TRIML1: variants seen among roughly 807,000 people sequenced by gnomAD.
The protein encoded by TRIML1 is probable E3 ubiquitin-protein ligase TRIML1.
In TRIML1, 34 loss-of-function variants were observed where a neutral mutation model predicts 32.3. That is an observed-to-expected ratio of 1.05 (90% confidence interval 0.80 to 1.40). TRIML1 has a LOEUF of 1.40. Among genes scored for constraint, TRIML1 ranks in the 40% most tolerant of loss-of-function variants. The probability of loss-of-function intolerance (pLI) is 0.00; values close to 1 mark genes in which losing one functional copy is unlikely to be tolerated. For synonymous variants in TRIML1, 244 were observed against 226.6 expected (o/e 1.08, Z -0.69); for missense variants, 595 against 574.9 (o/e 1.03, Z -0.36).
rs745539786 is a variant in TRIML1 at position 188,144,101 on chromosome 4, C to G, written c.824C>G (p.Thr275Arg). 1.2e-6 allele frequency: 2 copies of G among 1,614,042 alleles called. No individual in the cohort carries two copies. Among genetic ancestry groups the G allele is most frequent in the Non-Finnish European group, 1.7e-6 (2 of 1,180,004 alleles). The part of the protein sequence containing the change: ...TTTELSLCRI[T>R]GMKEMLRKFS... ...ACAGAGCTGAGTCTGTGCCGCATCA[C>G]GGGAATGAAGGAGATGCTAAGAAAA... Residue 275 changes from threonine to arginine, a missense_variant, in exon 5 of 6, where the codon ACG becomes AGG. Transcript: ENST00000332517.
chr4:188,138,437 C>T (rs1734732844), upstream of TRIML1, among the ~76,000 whole-genome samples: 1 of 152,068 alleles, frequency 6.6e-6, no homozygotes, highest in African/African-American at 2.4e-5. Flanking sequence ...GAAGGTCAAA[C>T]TCGCTGGCCT....
Position 188,142,448 on chromosome 4 carries a change from C to T in TRIML1, c.701C>T (p.Ser234Phe). ...SLSKMIAQIE[S>F]SSQSSAFESL... Reference sequence around the variant, plus strand: ...AGCAAAATGATCGCACAGATTGAGTCCTCAAGTCAAAGCTCGGCTTTCGAA... The same window carrying T: ...AGCAAAATGATCGCACAGATTGAGTTCTCAAGTCAAAGCTCGGCTTTCGAA... Residue 234 changes from serine to phenylalanine, a missense_variant, in exon 3 of 6, where the codon TCC becomes TTC. Ser to Phe is a radical substitution (Grantham distance 155). Coordinates refer to ENST00000332517, the MANE Select transcript of TRIML1 (RefSeq NM_178556.5). 1.2e-6 allele frequency: 2 copies of T among 1,613,766 alleles called. No individual in the cohort carries two copies. Among genetic ancestry groups the T allele is most frequent in the Non-Finnish European group, 1.7e-6 (2 of 1,179,966 alleles).
upstream of TRIML1, among the ~76,000 whole-genome samples, chr4:188,137,475 CTTTT>C (rs70938701): frequency 4.9e-5 from 5 of 101,480 alleles, no homozygotes; most frequent in Admixed American, 1.1e-4. Context: ...GCTATTTTTA[CTTTT>C]TTTTTTTTTT....
chr4:188,140,106 GT>G, intron 1 of TRIML1, 140 bp downstream of exon 1: 1 of 834,106 alleles, frequency 1.2e-6, no homozygotes, highest in Non-Finnish European at 1.8e-6. Context: ...CGTGGGTCCA[GT>G]TTACACCCTT....
At chr4:188,148,152 G>C (rs537656686), downstream of TRIML1, among the ~76,000 whole-genome samples, 4 of 152,230 alleles carry the variant, frequency 2.6e-5, no homozygotes, top group African/African-American at 9.6e-5. Flanking sequence ...TAAGCAGAAG[G>C]CTTTCAATCT....
At chr4:188,146,198 A>G (rs1735073806) in intron 5 of TRIML1, among the ~76,000 whole-genome samples, 1 of 152,140 alleles carries the variant, frequency 6.6e-6, no homozygotes, top group African/African-American at 2.4e-5. Flanking sequence ...GATGCGAACA[A>G]CCAAGGGTGT....
intron 3 of TRIML1, 61 bp from the exon 4 acceptor site, chr4:188,143,777 G>T: frequency 6.2e-7 from 1 of 1,601,712 alleles, no homozygotes; most frequent in South Asian, 1.1e-5. Context: ...TATGCAAAAT[G>T]AATTTCGTCT....
At chr4:188,137,801 C>T (rs1235865525), upstream of TRIML1, among the ~76,000 whole-genome samples, 15 of 151,854 alleles carry the variant, frequency 9.9e-5, no homozygotes, top group Admixed American at 7.9e-4. Context: ...TTAGTAGAGA[C>T]GGAGTTTCAC....
Position 188,144,047 on chromosome 4 carries a change from T to TCTTG in TRIML1, c.774_777dup (p.Gln260AlafsTer38). ...CTGCTCTCTTGCAGGAGCGAGCCAC[T>TCTTG]CTTGCTTCAGTGTCCAGAGGCCACC... On this transcript the variant is annotated frameshift_variant, in exon 5 of 6. Transcript: ENST00000332517. LOFTEE classifies it high-confidence loss of function. 6.2e-7 allele frequency: 1 copy of TCTTG among 1,614,026 alleles called. No individual in the cohort carries two copies. The highest frequency in any genetic ancestry group is 1.3e-5 in the African/African-American group (1 of 75,044).
At chr4:188,141,974 T>C (rs1484437805) in intron 2 of TRIML1, among the ~76,000 whole-genome samples, 2 of 151,546 alleles carry the variant, frequency 1.3e-5, no homozygotes, top group African/African-American at 2.4e-5. Context: ...TAGCTGGGCG[T>C]GGTGGCACAC....
At chr4:188,147,846 G>T (rs1735148221), downstream of TRIML1, 1 of 152,884 alleles carries the variant, frequency 6.5e-6, no homozygotes, top group Non-Finnish European at 1.5e-5. Context: ...TCTTTTCAGG[G>T]TGTGTGAGAG....
chr4:188,145,870 CTA>C (rs1560973980), intron 5 of TRIML1, among the ~76,000 whole-genome samples: 1 of 151,856 alleles, frequency 6.6e-6, no homozygotes, highest in African/African-American at 2.4e-5. Context: ...GGTTCACAGA[CTA>C]TGTGTGCTTC....
intron 5 of TRIML1, among the ~76,000 whole-genome samples, chr4:188,145,397 G>A (rs1560973523): frequency 7.2e-6 from 1 of 139,048 alleles, no homozygotes; most frequent in Non-Finnish European, 1.5e-5. Context: ...AGCAGAGATG[G>A]CGCCATTGCA....
In TRIML1 at chr4:188,139,545, C is replaced by A; in HGVS notation, c.-14C>A. 1 of 1,554,380 alleles carries A rather than the reference C, an allele frequency of 6.4e-7. No individual in the cohort carries two copies. The highest frequency in any genetic ancestry group is 8.7e-7 in the Non-Finnish European group (1 of 1,147,596). On this transcript the variant is annotated 5_prime_UTR_variant, in exon 1 of 6. Coordinates refer to ENST00000332517, the MANE Select transcript of TRIML1 (RefSeq NM_178556.5). ...ACAGAGGTGTAACCTGGCTGCATAT[C>A]CAGCCTCGAGAAAATGTCTACAGCA...
chr4:188,146,849 C>A lies in TRIML1; in HGVS notation c.884C>A (p.Ala295Asp). 7.0e-7 allele frequency: 1 copy of A among 1,427,794 alleles called. No homozygotes were observed. Among genetic ancestry groups the A allele is most frequent in the South Asian group, 1.9e-5 (1 of 53,904 alleles). The allele number at this position is 1,427,794 out of a possible 1,614,324, so 88.4% of individuals were successfully genotyped here. Residue 295 changes from alanine (A) to aspartate (D), a missense_variant, in exon 6 of 6, where the codon GCT becomes GAT. Ala to Asp is a moderately radical substitution (Grantham distance 126). Transcript: ENST00000332517. Reference sequence around the variant, plus strand: ...GAGATAACGCTGGACCCAGCCACAGCTAATGCCTATCTCGTGTTGTCGGAG... The same window carrying A: ...GAGATAACGCTGGACCCAGCCACAGATAATGCCTATCTCGTGTTGTCGGAG... ...STEITLDPAT[A>D]NAYLVLSEDL...
chr4:188,143,890 A>G, intron 4 of TRIML1, 30 bp downstream of exon 4: 1 of 1,614,136 alleles, frequency 6.2e-7, no homozygotes, highest in South Asian at 1.1e-5. Context: ...TCAGTTATGC[A>G]AGCTGCGGGG....
Position 188,147,104 on chromosome 4 carries a change from G to T in TRIML1, c.1139G>T (p.Gly380Val). 1 of 1,614,032 alleles carries T rather than the reference G, an allele frequency of 6.2e-7. No individual in the cohort carries two copies. The highest frequency in any genetic ancestry group is 8.5e-7 in the Non-Finnish European group (1 of 1,180,026). The change falls in exon 6 of 6, where the codon GGT becomes GTT. Residue 380 changes from glycine to valine, a missense_variant. Gly to Val is a moderately radical substitution (Grantham distance 109). Coordinates refer to ENST00000332517, the MANE Select transcript of TRIML1 (RefSeq NM_178556.5). ...KPPGDLFSLI[G>V]LKIGDDYSLW... ...CCTGGGGACCTGTTCTCACTAATAG[G>T]TTTAAAAATCGGAGATGATTACAGC... is the stretch of plus-strand genomic sequence containing the variant.
At chr4:188,150,229 T>C (rs1735215127), downstream of TRIML1, among the ~76,000 whole-genome samples, 1 of 151,440 alleles carries the variant, frequency 6.6e-6, no homozygotes, top group African/African-American at 2.4e-5. Flanking sequence ...AGGGTTCAAG[T>C]AATTCTCCTG....
downstream of TRIML1, among the ~76,000 whole-genome samples, chr4:188,148,660 T>C (rs955545500): frequency 6.0e-5 from 9 of 150,418 alleles, no homozygotes; most frequent in South Asian, 2.2e-4. Context: ...TGGAGTGCAA[T>C]GGAGCGATCG....
Sources: gnomAD v4.1 joint callset for allele counts (sites outside exome capture counted in the v4.1 genomes callset) on GRCh38, gnomAD v4.1.1 for gene constraint, MANE v1.5 for transcripts, NCBI Gene and HGNC (gene_info 2026-07-23, HGNC 2026-07-21) for gene names.